Variants in THRB observed in about 807,000 individuals in gnomAD.
THRB encodes thyroid hormone receptor beta, also known as nuclear receptor subfamily 1 group A member 2.
In THRB, 12 loss-of-function variants were observed where a neutral mutation model predicts 47.8. That is an observed-to-expected ratio of 0.25 (90% CI 0.16 to 0.41). THRB has a LOEUF of 0.41. Among genes scored for constraint, THRB ranks in the 10% least tolerant of loss-of-function variants. The pLI, the probability that THRB is intolerant of heterozygous loss-of-function variation, is 1.00. For synonymous variants in THRB, 218 were observed against 212.2 expected (o/e 1.03, Z -0.24); for missense variants, 348 against 589.2 (o/e 0.59, Z 4.24).
chr3:24,314,791 A>G (rs2058003148), intron 2 of THRB, among the ~76,000 whole-genome samples: 1 of 152,144 alleles, frequency 6.6e-6, no homozygotes. Context: ...GTGTCCCCTC[A>G]AGTATGGTAC....
intron 8 of THRB, 100 bp downstream of exon 8, chr3:24,143,401 G>GAT (rs200705081): frequency 0.029 from 33,780 of 1,174,822 alleles, 639 homozygotes; most frequent in South Asian, 0.05. Flanking sequence ...TCAGTAAAAT[G>GAT]AGGCAATAAC....
intron 1 of THRB, among the ~76,000 whole-genome samples, chr3:24,452,963 C>T (rs1221110529): frequency 2.7e-4 from 3 of 11,304 alleles, no homozygotes; most frequent in Non-Finnish European, 0.018. Context: ...ACTTGAAGCC[C>T]GACATCTCTC....
chr3:24,380,245 G>C (rs925741695), intron 1 of THRB, among the ~76,000 whole-genome samples: 3 of 150,546 alleles, frequency 2.0e-5, no homozygotes, highest in Non-Finnish European at 4.4e-5. Context: ...TAAACATAAA[G>C]TGTAAGCTTC....
chr3:24,174,518 G>A (rs1484123845), intron 5 of THRB, among the ~76,000 whole-genome samples: 1 of 152,166 alleles, frequency 6.6e-6, no homozygotes, highest in East Asian at 1.9e-4. Flanking sequence ...TCTAAAGCAT[G>A]TCACCTGTTA....
chr3:24,363,259 T>A (rs992861884), intron 1 of THRB, among the ~76,000 whole-genome samples: 1 of 152,074 alleles, frequency 6.6e-6, no homozygotes, highest in South Asian at 2.1e-4. Flanking sequence ...AATTTAAGAG[T>A]CCAAAGACAC....
intron 1 of THRB, among the ~76,000 whole-genome samples, chr3:24,380,985 T>A (rs962377697): frequency 3.9e-5 from 6 of 151,912 alleles, no homozygotes; most frequent in East Asian, 3.9e-4. Context: ...TGTGGTGGTA[T>A]GCACCTGTAG....
At chr3:24,314,711 C>G (rs563799365) in intron 2 of THRB, among the ~76,000 whole-genome samples, 4 of 152,162 alleles carry the variant, frequency 2.6e-5, no homozygotes, top group African/African-American at 9.7e-5. Flanking sequence ...ATTCTTTCAG[C>G]CTTTCTTTGT....
intron 1 of THRB, among the ~76,000 whole-genome samples, chr3:24,371,133 T>C (rs2064873116): frequency 1.3e-5 from 2 of 152,114 alleles, no homozygotes; most frequent in Admixed American, 6.6e-5. Context: ...GTATAGTATA[T>C]TTCTGAGCAA....
intron 1 of THRB, among the ~76,000 whole-genome samples, chr3:24,357,583 T>C (rs2063780552): frequency 6.6e-6 from 1 of 152,042 alleles, no homozygotes; most frequent in African/African-American, 2.4e-5. Context: ...GTATTCTTTT[T>C]TTCATAGAAG....
chr3:24,456,864 CA>C (rs1365398977), intron 1 of THRB, among the ~76,000 whole-genome samples: 2 of 151,882 alleles, frequency 1.3e-5, no homozygotes, highest in African/African-American at 4.8e-5. Flanking sequence ...AGTAAAGAGG[CA>C]AAGGTGGTGA....
chr3:24,268,924 A>G (rs1444000118), intron 3 of THRB, among the ~76,000 whole-genome samples: 1 of 152,198 alleles, frequency 6.6e-6, no homozygotes, highest in Non-Finnish European at 1.5e-5. Context: ...AATTTCTTAC[A>G]TACTTTTAGC....
chr3:24,358,626 T>C (rs994688351), intron 1 of THRB, among the ~76,000 whole-genome samples: 1 of 152,174 alleles, frequency 6.6e-6, no homozygotes, highest in Non-Finnish European at 1.5e-5. Context: ...TTTTGTTCAT[T>C]TGTCTGCCTA....
intron 1 of THRB, among the ~76,000 whole-genome samples, chr3:24,452,359 G>C (rs1303355141): frequency 6.6e-6 from 1 of 152,042 alleles, no homozygotes; most frequent in Non-Finnish European, 1.5e-5. Flanking sequence ...CCTAGTCCTA[G>C]CCCTGGTCTG....
chr3:24,401,122 C>G (rs2067363194), intron 1 of THRB, among the ~76,000 whole-genome samples: 1 of 151,940 alleles, frequency 6.6e-6, no homozygotes, highest in Non-Finnish European at 1.5e-5. Flanking sequence ...AAAAAAAAGT[C>G]CATCCCTTTT....
At chr3:24,435,949 A>G (rs900364153) in intron 1 of THRB, among the ~76,000 whole-genome samples, 1 of 152,234 alleles carries the variant, frequency 6.6e-6, no homozygotes, top group African/African-American at 2.4e-5. Flanking sequence ...AAAAAAGTAC[A>G]TAAATGCTTA....
In THRB at chr3:24,233,761, G is replaced by T. The variant is rs77826600; in HGVS notation, c.-42-4760C>A. Among the ~76,000 whole-genome samples the T allele has an allele frequency of 3.4e-4, 52 of 152,302 alleles. 1 individual carries two copies. The East Asian group carries it at 0.01, about 29-fold the overall frequency. ...CTAGAAAAGGGAAGAGTCACATGAGGGGTAGAGAGTGGTCTTCAAATATCT... is the reference window on the plus strand; with the variant it reads ...CTAGAAAAGGGAAGAGTCACATGAGTGGTAGAGAGTGGTCTTCAAATATCT... On this transcript the variant is annotated intron_variant, in intron 3 of 10. Transcript: ENST00000646209.
rs375351841 is a variant in THRB at position 24,174,020 on chromosome 3, TA to T, written c.283+16053del. ...ACAGCAGCTATGACTGGCCACATTT[TA>T]AAAAAAATTTTTATTTTACTTCAAG... On this transcript the variant is annotated intron_variant, in intron 5 of 10. Coordinates refer to ENST00000646209, the MANE Select transcript of THRB (RefSeq NM_001354712.2). Among the ~76,000 whole-genome samples, 698 of 152,200 alleles carry T rather than the reference TA, an allele frequency of 4.6e-3. 3 individuals carry two copies. Among genetic ancestry groups the T allele is most frequent in the East Asian group, 0.013 (67 of 5,180 alleles).
intron 8 of THRB, among the ~76,000 whole-genome samples, chr3:24,135,847 A>ATATATATATATATATAAAAATT (rs371175625): frequency 7.6e-6 from 1 of 131,004 alleles, no homozygotes; most frequent in Non-Finnish European, 1.6e-5. Context: ...ATATATATAT[A>ATATATATATATATATAAAAATT]ATACATAAAT....
intron 3 of THRB, among the ~76,000 whole-genome samples, chr3:24,274,851 T>C (rs1254027610): frequency 1.3e-5 from 2 of 152,150 alleles, no homozygotes; most frequent in African/African-American, 4.8e-5. Flanking sequence ...ATATATTATT[T>C]GCCTTTCTAT....
Sources: gnomAD v4.1 joint callset for allele counts (sites outside exome capture counted in the v4.1 genomes callset) on GRCh38, gnomAD v4.1.1 for gene constraint, MANE v1.5 for transcripts, NCBI Gene and HGNC (gene_info 2026-07-23, HGNC 2026-07-21) for gene names.